The following AIM2 variants were observed in gnomAD, a reference collection of about 807,000 sequenced individuals.
The protein encoded by AIM2 is interferon-inducible protein AIM2.
A neutral mutation model predicts 27.7 loss-of-function variants in AIM2; 30 were observed. That is an observed-to-expected ratio of 1.08 (90% CI 0.81 to 1.47). The LOEUF (loss-of-function observed/expected upper bound fraction) is 1.47, where lower values mean the gene tolerates loss of function less well. Among genes scored for constraint, AIM2 ranks in the 40% most tolerant of loss-of-function variants. AIM2 has a pLI of 0.00. For synonymous variants in AIM2, 141 were observed against 145.3 expected (o/e 0.97, Z 0.21); for missense variants, 358 against 411.3 (o/e 0.87, Z 1.12).
chr1:159,102,568 G>A (rs1030945686), intron 1 of AIM2, among the ~76,000 whole-genome samples: 2 of 152,218 alleles, frequency 1.3e-5, no homozygotes, highest in African/African-American at 4.8e-5. Flanking sequence ...ACCCGGCGGG[G>A]GAGCTGTACC....
chr1:159,094,133 A>G (rs553530207), intron 1 of AIM2, among the ~76,000 whole-genome samples: 2 of 152,346 alleles, frequency 1.3e-5, no homozygotes, highest in East Asian at 3.9e-4. Flanking sequence ...CACAAAATTT[A>G]GTCGTAACTT....
intron 1 of AIM2, among the ~76,000 whole-genome samples, chr1:159,121,920 A>G (rs915473389): frequency 2.3e-4 from 35 of 152,314 alleles, no homozygotes; most frequent in African/African-American, 8.2e-4. Context: ...GGTTATTCCC[A>G]TGCAGTCAAA....
intron 1 of AIM2, among the ~76,000 whole-genome samples, chr1:159,090,601 C>T (rs1657022220): frequency 6.6e-6 from 1 of 152,058 alleles, no homozygotes; most frequent in South Asian, 2.1e-4. Context: ...CACTTCAGAC[C>T]AAGTCCAAAA....
At chr1:159,126,885 T>A (rs1647709932) in intron 1 of AIM2, among the ~76,000 whole-genome samples, 1 of 152,202 alleles carries the variant, frequency 6.6e-6, no homozygotes, top group African/African-American at 2.4e-5. Context: ...CATTGTGTTA[T>A]ACTCACACCA....
intron 1 of AIM2, among the ~76,000 whole-genome samples, chr1:159,127,485 C>T (rs191695644): frequency 3.0e-4 from 45 of 152,268 alleles, no homozygotes; most frequent in African/African-American, 1.0e-3. Flanking sequence ...CATTGGGAGG[C>T]AAAGTCTCTG....
At chr1:159,100,762 C>G (rs1252915729) in intron 1 of AIM2, among the ~76,000 whole-genome samples, 1 of 152,178 alleles carries the variant, frequency 6.6e-6, no homozygotes, top group African/African-American at 2.4e-5. Flanking sequence ...TCCTGTGACC[C>G]CGAATGAACC....
At chr1:159,120,918 C>T (rs1647520369) in intron 1 of AIM2, among the ~76,000 whole-genome samples, 1 of 152,186 alleles carries the variant, frequency 6.6e-6, no homozygotes, top group Non-Finnish European at 1.5e-5. Context: ...TTAGCAGTTA[C>T]TAGTCCAATA....
intron 3 of AIM2, among the ~76,000 whole-genome samples, chr1:159,068,305 C>T (rs964841396): frequency 3.3e-5 from 5 of 152,238 alleles, no homozygotes; most frequent in African/African-American, 1.2e-4. Flanking sequence ...AACGGTCTAT[C>T]TCAGAGTTTT....
At position 159,062,696 on chromosome 1, in the gene AIM2, GT is replaced by G. The variant is rs531843702; in HGVS notation, c.1027del (p.Thr343HisfsTer14). The G allele has an allele frequency of 4.4e-3, 6,156 of 1,390,226 alleles. 15 individuals carry two copies. Among genetic ancestry groups the G allele is most frequent in the Middle Eastern group, 8.2e-3 (44 of 5,368 alleles). 86.1% of individuals were successfully genotyped at this position (1,390,226 alleles called of 1,614,324 possible). A position where few individuals can be genotyped will look rare whatever the true frequency, so the allele number is the denominator to read the frequency against. On this transcript the variant is annotated frameshift_variant, in exon 6 of 6. Coordinates refer to ENST00000368130, the MANE Select transcript of AIM2 (RefSeq NM_004833.3). LOFTEE classifies it high-confidence loss of function. Reference sequence around the variant, plus strand: ...GAATTGGTCCTTTTTACTTCTCTATGTTTTTTTTTTGGCCTTAATAACCTGG... The same window carrying G: ...GAATTGGTCCTTTTTACTTCTCTATGTTTTTTTTTGGCCTTAATAACCTGG... ...TIKVIKAKKK[T>X]
At chr1:159,098,215 C>G (rs1657220254) in intron 1 of AIM2, among the ~76,000 whole-genome samples, 1 of 152,092 alleles carries the variant, frequency 6.6e-6, no homozygotes, top group African/African-American at 2.4e-5. Flanking sequence ...CACTAAGAGA[C>G]ACACAATCTA....
upstream of AIM2, among the ~76,000 whole-genome samples, chr1:159,144,629 C>T (rs1400273324): frequency 6.7e-6 from 1 of 148,456 alleles, no homozygotes; most frequent in East Asian, 2.0e-4. Flanking sequence ...ATTCACCTTC[C>T]AAAAAAAAAA....
At position 159,065,993 on chromosome 1, in the gene AIM2, T is replaced by C; in HGVS notation, c.733A>G (p.Lys245Glu). The change falls in exon 4 of 6, where the codon AAA (lysine) becomes GAA (glutamate). Residue 245 changes from lysine to glutamate, a missense_variant. Lys to Glu is a moderately conservative substitution (Grantham distance 56). Transcript: ENST00000368130. ...KVNVPLNIIR[K>E]AGETPKINTL... ...TTGATCTTCGGGGTTTCACCAGCTT[T>C]TCTGATAATGTTCAGCGGGACATTA... 1 of 1,614,170 alleles carries C rather than the reference T, an allele frequency of 6.2e-7. No individual in the cohort carries two copies.
At position 159,068,660 on chromosome 1, in the gene AIM2, T is replaced by C; in HGVS notation, c.304A>G (p.Ser102Gly). ...YKSVTKPKPLSQAEMSPAASA... is the reference protein window; with the variant it reads ...YKSVTKPKPLGQAEMSPAASA... ...GCAGCAGGACTCATTTCAGCTTGAC[T>C]TAGTGGCTTTGGTTTTGTTACCGAT... Residue 102 changes from serine to glycine, a missense_variant, in exon 3 of 6, where the codon AGT (serine) becomes GGT (glycine). Transcript: ENST00000368130. 1 of 1,613,898 alleles carries C rather than the reference T, an allele frequency of 6.2e-7. No homozygotes were observed. The highest frequency in any genetic ancestry group is 8.5e-7 in the Non-Finnish European group (1 of 1,179,858).
chr1:159,083,283 T>C (rs986766808), intron 1 of AIM2, among the ~76,000 whole-genome samples: 2 of 152,106 alleles, frequency 1.3e-5, no homozygotes, highest in South Asian at 2.1e-4. Flanking sequence ...GTTCCAACAA[T>C]GTAAGAAAAG....
intron 1 of AIM2, among the ~76,000 whole-genome samples, chr1:159,125,889 G>C (rs1487028952): frequency 6.6e-6 from 1 of 152,050 alleles, no homozygotes; most frequent in Non-Finnish European, 1.5e-5. Flanking sequence ...CATGACCTTT[G>C]TGGACAAGAG....
At chr1:159,083,979 C>T (rs1346782993) in intron 1 of AIM2, among the ~76,000 whole-genome samples, 1 of 152,204 alleles carries the variant, frequency 6.6e-6, no homozygotes, top group Admixed American at 6.5e-5. Flanking sequence ...ACAGAGCTAA[C>T]CTTTACCACT....
chr1:159,070,273 T>G (rs1382725667), intron 2 of AIM2, among the ~76,000 whole-genome samples: 1 of 152,236 alleles, frequency 6.6e-6, no homozygotes, highest in East Asian at 1.9e-4. Flanking sequence ...TTTAAAACCT[T>G]GTTTTATCAT....
chr1:159,060,672 G>A (rs1001032759), downstream of AIM2, among the ~76,000 whole-genome samples: 1 of 152,152 alleles, frequency 6.6e-6, no homozygotes, highest in African/African-American at 2.4e-5. Context: ...TTTGAGTCTG[G>A]CTTCTTTCAC....
downstream of AIM2, among the ~76,000 whole-genome samples, chr1:159,057,723 G>C (rs1277218245): frequency 6.6e-6 from 1 of 152,146 alleles, no homozygotes; most frequent in Non-Finnish European, 1.5e-5. Context: ...AATGGCAAAT[G>C]TATGATAAGT....
Sources: gnomAD v4.1 joint callset for allele counts (sites outside exome capture counted in the v4.1 genomes callset) on GRCh38, gnomAD v4.1.1 for gene constraint, MANE v1.5 for transcripts, NCBI Gene and HGNC (gene_info 2026-07-23, HGNC 2026-07-21) for gene names.